The following RICTOR variants were observed in gnomAD, a reference collection of about 807,000 sequenced individuals.
RICTOR encodes RPTOR independent companion of MTOR complex 2, also known as rapamycin-insensitive companion of mTOR.
Under a neutral mutation model 214.9 loss-of-function variants are expected in RICTOR, and 49 were observed. That is an observed-to-expected ratio of 0.23 (90% CI 0.18 to 0.29). The LOEUF (loss-of-function observed/expected upper bound fraction) is 0.29. RICTOR is among the 10% of genes least tolerant of loss of function. The pLI, the probability that RICTOR is intolerant of heterozygous loss-of-function variation, is 1.00. For synonymous variants in RICTOR, 717 were observed against 711.3 expected (o/e 1.01, Z -0.13); for missense variants, 1,625 against 2,047.0 (o/e 0.79, Z 3.98).
chr5:39,037,364 A>G (rs1219937806), intron 2 of RICTOR, among the ~76,000 whole-genome samples: 2 of 152,118 alleles, frequency 1.3e-5, no homozygotes, highest in Non-Finnish European at 2.9e-5. Flanking sequence ...AAGAGAAAGC[A>G]GGAAAGATCC....
At chr5:39,007,779 ATTT>A (rs1165775023) in intron 3 of RICTOR, among the ~76,000 whole-genome samples, 3 of 151,168 alleles carry the variant, frequency 2.0e-5, no homozygotes, top group Non-Finnish European at 4.4e-5. Context: ...ATTGTATATT[ATTT>A]TATTATTGTA....
intron 8 of RICTOR, among the ~76,000 whole-genome samples, chr5:38,979,364 T>G (rs962976640): frequency 6.6e-6 from 1 of 152,188 alleles, no homozygotes; most frequent in African/African-American, 2.4e-5. Flanking sequence ...GGACATGAAT[T>G]TTAGTTCTAA....
In RICTOR at chr5:38,944,950, G is replaced by C; in HGVS notation, c.4752C>G (p.Gly1584=). 6.2e-7 allele frequency: 1 copy of C among 1,614,014 alleles called. No homozygotes were observed. ...SGCSDGVSQE[G]SASSTKSTEL... Reference sequence around the variant, plus strand: ...CTGTGCTTTTGGTGCTGCTAGCTGAGCCTTCTTGAGACACCCCATCACTGC... The same window carrying C: ...CTGTGCTTTTGGTGCTGCTAGCTGACCCTTCTTGAGACACCCCATCACTGC... Residue 1584 remains glycine, a synonymous_variant, in exon 35 of 38, where the codon GGC becomes GGG. Transcript: ENST00000357387.
rs765794321 is a variant in RICTOR, at chr5:38,962,300, A to G, written c.1715+15T>C. 5.4e-6 allele frequency: 7 copies of G among 1,305,536 alleles called. No homozygotes were observed. Among genetic ancestry groups the G allele is most frequent in the Non-Finnish European group, 7.5e-6 (7 of 931,778 alleles). 80.9% of individuals were successfully genotyped at this position (1,305,536 alleles called of 1,614,324 possible). On this transcript the variant is annotated intron_variant, in intron 19 of 37. Transcript: ENST00000357387. ...TAAGTTCTTTAAATTTAAATGCAAA[A>G]TAGTTCTTACATACCTGTGTAACTG...
At chr5:38,975,237 G>GT (rs778944051) in intron 10 of RICTOR, among the ~76,000 whole-genome samples, 2 of 151,988 alleles carry the variant, frequency 1.3e-5, no homozygotes, top group Non-Finnish European at 2.9e-5. Context: ...AGTTTTGTAG[G>GT]TTTTTTTGGT....
At chr5:38,986,493 GAAGAA>G (rs1752182787) in intron 7 of RICTOR, among the ~76,000 whole-genome samples, 1 of 152,106 alleles carries the variant, frequency 6.6e-6, no homozygotes, top group Non-Finnish European at 1.5e-5. Context: ...ATTTAATGAT[GAAGAA>G]AAGTTTAAAA....
chr5:38,955,450 A>G (rs1749173398), intron 26 of RICTOR, 145 bp downstream of exon 26: 2 of 610,760 alleles, frequency 3.3e-6, no homozygotes, highest in Non-Finnish European at 2.9e-6. Context: ...TCAACATGCC[A>G]TGAATGCCAC....
At chr5:39,030,892 C>T in intron 2 of RICTOR, among the ~76,000 whole-genome samples, 1 of 152,056 alleles carries the variant, frequency 6.6e-6, no homozygotes, top group East Asian at 1.9e-4. Flanking sequence ...ATTATCCCTT[C>T]CAATTGCCCT....
intron 3 of RICTOR, among the ~76,000 whole-genome samples, chr5:39,005,028 G>A (rs938908241): frequency 2.4e-4 from 37 of 152,108 alleles, no homozygotes; most frequent in African/African-American, 6.3e-4. Flanking sequence ...TGATCCGCCC[G>A]CCTTGGCCTC....
intron 7 of RICTOR, among the ~76,000 whole-genome samples, chr5:38,990,411 C>T (rs569757844): frequency 6.6e-6 from 1 of 151,590 alleles, no homozygotes; most frequent in Non-Finnish European, 1.5e-5. Context: ...TACAGCAAAC[C>T]ACCATGGCAT....
At chr5:39,045,357 G>A (rs1406581429) in intron 2 of RICTOR, among the ~76,000 whole-genome samples, 1 of 152,040 alleles carries the variant, frequency 6.6e-6, no homozygotes, top group Non-Finnish European at 1.5e-5. Flanking sequence ...ATTATAGACT[G>A]AAAAATACAG....
In RICTOR at chr5:39,026,791, T is replaced by C. The variant is rs1052510718; in HGVS notation, c.98-5655A>G. Among the ~76,000 whole-genome samples, 31 of 151,920 alleles carry C rather than the reference T, an allele frequency of 2.0e-4. 1 individual carries two copies. The highest frequency in any genetic ancestry group is 4.4e-5 in the Non-Finnish European group (3 of 67,998). ...GGGAGGCCGAGGTGGGTGGATCACC[T>C]GAGGTCAGGAGTTTGAGACCAGCCT... On this transcript the variant is annotated intron_variant, in intron 2 of 37. Transcript: ENST00000357387.
chr5:39,024,390 G>A (rs1022170932), intron 2 of RICTOR, among the ~76,000 whole-genome samples: 1 of 152,070 alleles, frequency 6.6e-6, no homozygotes, highest in Non-Finnish European at 1.5e-5. Context: ...ATTACAAGGG[G>A]CCATGAATAG....
At chr5:38,981,757 T>C (rs1751732281) in intron 8 of RICTOR, 110 bp downstream of exon 8, 2 of 696,974 alleles carry the variant, frequency 2.9e-6, no homozygotes, top group South Asian at 4.5e-5. Context: ...TCGGCTAATT[T>C]AGGCTTGATA....
At chr5:38,975,626 C>A in intron 9 of RICTOR, 22 bp from the exon 10 acceptor site, 1 of 1,587,864 alleles carries the variant, frequency 6.3e-7, no homozygotes, top group Non-Finnish European at 8.6e-7. Flanking sequence ...GGGGAGGCAG[C>A]GGGGAGAATC....
At chr5:38,961,115 A>C (rs936452248) in intron 19 of RICTOR, among the ~76,000 whole-genome samples, 5 of 152,006 alleles carry the variant, frequency 3.3e-5, no homozygotes, top group African/African-American at 9.7e-5. Flanking sequence ...ACCAAAAAAA[A>C]CCCCAAAAAC....
intron 5 of RICTOR, among the ~76,000 whole-genome samples, chr5:39,002,169 CA>C (rs70982532): frequency 0.24 from 28,510 of 120,960 alleles, 2,590 homozygotes; most frequent in Middle Eastern, 0.27. Context: ...TGTTACACAG[CA>C]AAAAAAAAAA....
intron 5 of RICTOR, among the ~76,000 whole-genome samples, chr5:38,999,221 G>A (rs1753429874): frequency 6.6e-6 from 1 of 151,676 alleles, no homozygotes; most frequent in African/African-American, 2.4e-5. Context: ...CATCAGAAAC[G>A]TGGGACAGTG....
chr5:38,990,575 ATG>A (rs957719927), intron 7 of RICTOR, among the ~76,000 whole-genome samples: 3 of 147,232 alleles, frequency 2.0e-5, no homozygotes, highest in Admixed American at 1.4e-4. Flanking sequence ...CACGATATAT[ATG>A]ATATATACAT....
Sources: allele counts gnomAD v4.1 joint callset (sites outside exome capture counted in the v4.1 genomes callset), GRCh38; gene constraint gnomAD v4.1.1; transcripts MANE v1.5; gene names NCBI Gene and HGNC (gene_info 2026-07-23, HGNC 2026-07-21).